SNX6: variants seen among roughly 807,000 people sequenced by gnomAD.
The protein encoded by SNX6 is sorting nexin 6.
In SNX6, 34 loss-of-function variants were observed where a neutral mutation model predicts 63.0. The ratio of observed to expected loss-of-function variants is 0.54; its 90% CI spans 0.41 to 0.72. The LOEUF (loss-of-function observed/expected upper bound fraction) is 0.72, where lower values mean the gene tolerates loss of function less well. Among genes scored for constraint, SNX6 ranks in the 30% least tolerant of loss-of-function variants. The probability of loss-of-function intolerance (pLI) is 0.00; values close to 1 mark genes in which losing one functional copy is unlikely to be tolerated. For synonymous variants in SNX6, 170 were observed against 164.2 expected (o/e 1.04, Z -0.27); for missense variants, 398 against 471.4 (o/e 0.84, Z 1.44).
chr14:34,618,194 C>A (rs1296614968), intron 2 of SNX6, among the ~76,000 whole-genome samples: 2 of 152,192 alleles, frequency 1.3e-5, no homozygotes, highest in Admixed American at 6.6e-5. Context: ...ACTATGATAT[C>A]ATTAAACTAG....
At chr14:34,608,278 A>G (rs1883097174) in intron 3 of SNX6, 138 bp from the exon 4 acceptor site, 6 of 501,972 alleles carry the variant, frequency 1.2e-5, no homozygotes, top group Non-Finnish European at 1.8e-5. Context: ...CCCAGGCTCA[A>G]GCAATCCTCC....
At chr14:34,611,049 G>A (rs1883207773) in intron 2 of SNX6, among the ~76,000 whole-genome samples, 1 of 152,000 alleles carries the variant, frequency 6.6e-6, no homozygotes, top group Admixed American at 6.6e-5. Context: ...AACCAGGTTG[G>A]AGTGCAGTGC....
intron 10 of SNX6, among the ~76,000 whole-genome samples, chr14:34,577,914 T>C (rs1228553313): frequency 1.3e-5 from 2 of 152,106 alleles, no homozygotes; most frequent in Non-Finnish European, 2.9e-5. Context: ...GTAGAAAATG[T>C]TAATATTGGC....
At chr14:34,564,257 A>AC (rs1881067760) in intron 13 of SNX6, among the ~76,000 whole-genome samples, 1 of 152,022 alleles carries the variant, frequency 6.6e-6, no homozygotes, top group African/African-American at 2.4e-5. Flanking sequence ...TGAACCCCTG[A>AC]CCTCAGGTGA....
chr14:34,626,962 A>G (rs1384850500), intron 2 of SNX6, among the ~76,000 whole-genome samples: 1 of 152,108 alleles, frequency 6.6e-6, no homozygotes, highest in African/African-American at 2.4e-5. Context: ...TCAACTCCTC[A>G]TACTTCATTA....
At chr14:34,601,971 T>C (rs1403179304) in intron 6 of SNX6, among the ~76,000 whole-genome samples, 1 of 152,000 alleles carries the variant, frequency 6.6e-6, no homozygotes, top group Non-Finnish European at 1.5e-5. Context: ...GCATTACTAC[T>C]GAAAAAGTGT....
intron 13 of SNX6, among the ~76,000 whole-genome samples, chr14:34,566,681 A>G (rs1051786627): frequency 2.0e-5 from 3 of 152,290 alleles, no homozygotes; most frequent in African/African-American, 7.2e-5. Flanking sequence ...TCTCAATTCT[A>G]AGATTCTCTA....
intron 8 of SNX6, among the ~76,000 whole-genome samples, chr14:34,586,850 A>T (rs1266869665): frequency 6.6e-6 from 1 of 151,832 alleles, no homozygotes; most frequent in African/African-American, 2.4e-5. Context: ...TCTACTAAAA[A>T]TACAAAATAT....
At chr14:34,567,096 C>T (rs1253499564) in intron 13 of SNX6, among the ~76,000 whole-genome samples, 10 of 151,374 alleles carry the variant, frequency 6.6e-5, no homozygotes, top group South Asian at 2.1e-4. Flanking sequence ...TGGTGGCACG[C>T]ACCTGTAGTC....
chr14:34,595,426 T>C (rs1882560467), intron 7 of SNX6, among the ~76,000 whole-genome samples: 1 of 152,228 alleles, frequency 6.6e-6, no homozygotes, highest in South Asian at 2.1e-4. Flanking sequence ...CGTGAGCCAC[T>C]GTGCCCGGCC....
At chr14:34,601,634 C>T (rs116352204) in intron 6 of SNX6, among the ~76,000 whole-genome samples, 2,714 of 149,150 alleles carry the variant, frequency 0.018, 72 homozygotes, top group African/African-American at 0.062. Flanking sequence ...CAGTCTTGTC[C>T]CCCAGGCTGG....
chr14:34,578,723 G>A (rs561445244), intron 10 of SNX6, among the ~76,000 whole-genome samples: 5 of 150,068 alleles, frequency 3.3e-5, no homozygotes, highest in East Asian at 3.9e-4. Flanking sequence ...AGCGGATCAC[G>A]AGGTCAAGAG....
chr14:34,567,631 A>C, intron 13 of SNX6, 55 bp downstream of exon 13: 6 of 1,235,362 alleles, frequency 4.9e-6, no homozygotes, highest in Non-Finnish European at 7.1e-6. Flanking sequence ...GTCATAACTG[A>C]TTCATTTCTA....
At chr14:34,622,576 A>C (rs1231673448) in intron 2 of SNX6, among the ~76,000 whole-genome samples, 1 of 151,486 alleles carries the variant, frequency 6.6e-6, no homozygotes. Context: ...GAGCAAAAAA[A>C]AAAAAAAAAA....
intron 7 of SNX6, 36 bp from the exon 8 acceptor site, chr14:34,593,186 T>A: frequency 7.5e-7 from 1 of 1,334,996 alleles, no homozygotes; most frequent in Non-Finnish European, 1.0e-6. Context: ...CTTTTTTCAC[T>A]TATTTGCTTT....
intron 5 of SNX6, among the ~76,000 whole-genome samples, chr14:34,604,819 T>TTAGGGATGCTCAACCAGTAAGTATA (rs1882953342): frequency 6.6e-6 from 1 of 150,700 alleles, no homozygotes; most frequent in Admixed American, 6.7e-5. Context: ...AGATTTCAGA[T>TTAGGGATGCTCAACCAGTAAGTATA]TAGGGATGCT....
intron 2 of SNX6, among the ~76,000 whole-genome samples, chr14:34,617,065 G>A (rs1359096015): frequency 6.6e-6 from 1 of 152,176 alleles, no homozygotes; most frequent in African/African-American, 2.4e-5. Flanking sequence ...CTGGTCAAGA[G>A]AGCAAGACTG....
At chr14:34,622,182 G>A (rs1266656013) in intron 2 of SNX6, among the ~76,000 whole-genome samples, 1 of 149,324 alleles carries the variant, frequency 6.7e-6, no homozygotes, top group Non-Finnish European at 1.5e-5. Flanking sequence ...GGCTGGTGTT[G>A]AACTCCTTAC....
intron 2 of SNX6, among the ~76,000 whole-genome samples, chr14:34,618,924 C>A (rs1883524055): frequency 6.6e-6 from 1 of 152,128 alleles, no homozygotes; most frequent in Non-Finnish European, 1.5e-5. Flanking sequence ...TTAAAAATGT[C>A]TCTTCATGAC....
Sources: allele counts gnomAD v4.1 joint callset (sites outside exome capture counted in the v4.1 genomes callset), GRCh38; gene constraint gnomAD v4.1.1; transcripts MANE v1.5; gene names NCBI Gene and HGNC (gene_info 2026-07-23, HGNC 2026-07-21).